The following RIC3 variants were observed in gnomAD, a reference collection of about 807,000 sequenced individuals.
RIC3 encodes the protein RIC3 acetylcholine receptor chaperone, also known as protein RIC-3.
RIC3 carries 28 observed loss-of-function variants against 27.3 expected under a neutral mutation model. That is an observed-to-expected ratio of 1.02 (90% CI 0.76 to 1.41). RIC3 has a LOEUF of 1.41. Ranked by LOEUF, RIC3 falls within the 40% of genes most tolerant of loss-of-function variation. The pLI is 0.00. For synonymous variants in RIC3, 184 were observed against 160.4 expected (o/e 1.15, Z -1.11); for missense variants, 501 against 444.7 (o/e 1.13, Z -1.14).
Position 8,110,730 on chromosome 11 carries a change from G to A in RIC3, c.1078C>T (p.Leu360=). The change falls in exon 6 of 6, where the codon CTG becomes TTG. Residue 360 remains leucine (L), a synonymous_variant. Transcript: ENST00000309737. ...STDKAYTGSM[L]RKRNPQGLE ...AAACCCTGGGGGTTACGCTTCCTCA[G>A]CATGCTGCCTGTATATGCTTTATCG... 1 of 1,614,194 alleles carries A rather than the reference G, an allele frequency of 6.2e-7. No individual in the cohort carries two copies. The highest frequency in any genetic ancestry group is 8.5e-7 in the Non-Finnish European group (1 of 1,180,042).
At chr11:8,096,779 C>T in the RIC3 span, 1 of 1,614,184 alleles carries the variant, frequency 6.2e-7, no homozygotes, top group Non-Finnish European at 8.5e-7. Flanking sequence ...CCCGCCCCAG[C>T]TCTGCTACTA....
intron 5 of RIC3, among the ~76,000 whole-genome samples, chr11:8,115,477 G>A (rs1945740974): frequency 6.6e-6 from 1 of 152,024 alleles, no homozygotes; most frequent in African/African-American, 2.4e-5. Context: ...GAGAGCAAGG[G>A]ACACTATTCA....
In RIC3 at chr11:8,122,487, C is replaced by T. The variant is rs940629372; in HGVS notation, c.670+4172G>A. ...TATATGTACCACAGTTTATTCACCT[C>T]CTAAAAGACATATGGGTTGTTTCCA... On this transcript the variant is annotated intron_variant, in intron 5 of 5. Transcript: ENST00000309737. Among the ~76,000 whole-genome samples the T allele has an allele frequency of 2.7e-5, 4 of 150,784 alleles. No individual in the cohort carries two copies. In the Admixed American group the frequency reaches 2.8e-4, roughly 11 times the overall value.
chr11:8,122,677 CCTAG>C (rs1404779564), intron 5 of RIC3, among the ~76,000 whole-genome samples: 1 of 151,682 alleles, frequency 6.6e-6, no homozygotes, highest in East Asian at 1.9e-4. Context: ...AATAATTAGC[CCTAG>C]AATAAAGGCT....
intron 4 of RIC3, among the ~76,000 whole-genome samples, chr11:8,133,582 T>A (rs977434430): frequency 6.6e-6 from 1 of 152,254 alleles, no homozygotes; most frequent in East Asian, 1.9e-4. Context: ...TTTGCCATGC[T>A]GCAGGCTTCA....
downstream of RIC3, among the ~76,000 whole-genome samples, chr11:8,101,315 T>C (rs995689119): frequency 2.6e-5 from 4 of 152,174 alleles, no homozygotes; most frequent in Admixed American, 1.3e-4. Context: ...GCCACCTCTT[T>C]CCTGCCACTT....
chr11:8,156,168 A>G (rs1950635616), intron 1 of RIC3, among the ~76,000 whole-genome samples: 1 of 152,242 alleles, frequency 6.6e-6, no homozygotes, highest in Admixed American at 6.5e-5. Context: ...TGTTACCAGA[A>G]TAATCTTCCT....
intron 1 of RIC3, chr11:8,153,376 T>C (rs1266441039): frequency 2.2e-6 from 1 of 448,994 alleles, no homozygotes; most frequent in Non-Finnish European, 4.4e-6. Flanking sequence ...TAACTCTACC[T>C]TAACCGTCAA....
Position 8,139,957 on chromosome 11 carries a change from T to C in RIC3, c.351+10A>G. 6.2e-7 allele frequency: 1 copy of C among 1,606,778 alleles called. No individual in the cohort carries two copies. Among genetic ancestry groups the C allele is most frequent in the Non-Finnish European group, 8.5e-7 (1 of 1,173,718 alleles). On this transcript the variant is annotated intron_variant, in intron 2 of 5. Transcript: ENST00000309737. ...CATTGATGTAATATGATTAGGATGA[T>C]TCTACTTACCTTAAATAGAATGTAC...
At chr11:8,100,609 T>C in the RIC3 span, 6 of 1,612,346 alleles carry the variant, frequency 3.7e-6, no homozygotes, top group Admixed American at 1.0e-4. Context: ...AACGTGAGTG[T>C]CTACCCCTTC....
Position 8,110,722 on chromosome 11 carries a change from C to T in RIC3, c.1086G>A (p.Lys362=). Residue 362 remains lysine, a synonymous_variant, in exon 6 of 6, where the codon AAG becomes AAA. Coordinates refer to ENST00000309737, the MANE Select transcript of RIC3 (RefSeq NM_001206671.4). ...DKAYTGSMLR[K]RNPQGLE ...TTCACTCTAAACCCTGGGGGTTACG[C>T]TTCCTCAGCATGCTGCCTGTATATG... 1 of 1,614,210 alleles carries T rather than the reference C, an allele frequency of 6.2e-7. No individual in the cohort carries two copies. The highest frequency in any genetic ancestry group is 1.7e-5 in the Admixed American group (1 of 60,028).
rs111370836 is a variant in RIC3, at chr11:8,137,367, T to A, written c.521+11A>T. On this transcript the variant is annotated intron_variant, in intron 4 of 5. Coordinates refer to ENST00000309737, the MANE Select transcript of RIC3 (RefSeq NM_001206671.4). ...GAGAAATAGTCTGAGTCCCGTTACA[T>A]GAAAACCTACCTCTCACCATTAGGT... The A allele has an allele frequency of 3.7e-6, 6 of 1,609,344 alleles. No individual in the cohort carries two copies. The highest frequency in any genetic ancestry group is 1.3e-5 in the African/African-American group (1 of 74,822).
chr11:8,152,301 A>G (rs1399967965), intron 1 of RIC3, among the ~76,000 whole-genome samples: 1 of 152,240 alleles, frequency 6.6e-6, no homozygotes, highest in Non-Finnish European at 1.5e-5. Flanking sequence ...TCACAGCAGC[A>G]TTATTCATAG....
At chr11:8,096,443 G>A in the RIC3 span, among the ~76,000 whole-genome samples, 1 of 152,210 alleles carries the variant, frequency 6.6e-6, no homozygotes, top group East Asian at 1.9e-4. Context: ...GATATATCCT[G>A]AGGATTGTGG....
intron 1 of RIC3, among the ~76,000 whole-genome samples, chr11:8,165,903 A>G (rs1951653637): frequency 7.6e-6 from 1 of 131,116 alleles, no homozygotes; most frequent in Non-Finnish European, 1.6e-5. Context: ...CTCAGCCTAC[A>G]GAGTAGCTGG....
At chr11:8,115,502 C>CATATAT (rs141974976) in intron 5 of RIC3, among the ~76,000 whole-genome samples, 18 of 150,990 alleles carry the variant, frequency 1.2e-4, no homozygotes, top group South Asian at 8.4e-4. Flanking sequence ...CACAAATATA[C>CATATAT]ATATATATAT....
intron 1 of RIC3, among the ~76,000 whole-genome samples, chr11:8,164,677 G>A (rs1261948249): frequency 6.7e-6 from 1 of 150,176 alleles, no homozygotes; most frequent in African/African-American, 2.4e-5. Flanking sequence ...ACCTGGGAGG[G>A]TAAGGTGGGA....
chr11:8,097,520 A>G, the RIC3 span: 2 of 1,520,920 alleles, frequency 1.3e-6, no homozygotes, highest in Non-Finnish European at 1.8e-6. Flanking sequence ...TCTACCACTG[A>G]CCTCTCAGTT....
intron 2 of RIC3, chr11:8,139,650 TTTTTTTTTTTTG>T: frequency 6.4e-6 from 1 of 156,966 alleles, no homozygotes; most frequent in Non-Finnish European, 1.3e-5. Context: ...TTTTTTTTTT[TTTTTTTTTTTTG>T]GCAGGGGAGT....
Sources: allele counts gnomAD v4.1 joint callset (sites outside exome capture counted in the v4.1 genomes callset), GRCh38; gene constraint gnomAD v4.1.1; transcripts MANE v1.5; gene names NCBI Gene and HGNC (gene_info 2026-07-23, HGNC 2026-07-21).